The following DGKA variants were observed in gnomAD, a reference collection of about 807,000 sequenced individuals.
DGKA encodes the protein diacylglycerol kinase alpha.
Under a neutral mutation model 105.0 loss-of-function variants are expected in DGKA, and 35 were observed. The ratio of observed to expected loss-of-function variants is 0.33; its 90% CI spans 0.25 to 0.44. DGKA has a LOEUF of 0.44. Among genes scored for constraint, DGKA ranks in the 20% least tolerant of loss-of-function variants. The pLI, the probability that DGKA is intolerant of heterozygous loss-of-function variation, is 1.00. For synonymous variants in DGKA, 296 were observed against 332.0 expected, an observed-to-expected ratio of 0.89 and a Z score of 1.18; for missense variants, 665 against 915.0, an observed-to-expected ratio of 0.73 and a Z score of 3.53.
chr12:55,946,373 T>A (rs781678056), intron 17 of DGKA, among the ~76,000 whole-genome samples: 1 of 151,992 alleles, frequency 6.6e-6, no homozygotes, highest in Non-Finnish European at 1.5e-5. Flanking sequence ...TTGTTGTTTT[T>A]GGAGATGGAG....
At chr12:55,942,680 A>C in intron 17 of DGKA, 1 of 235,044 alleles carries the variant, frequency 4.3e-6, no homozygotes, top group Non-Finnish European at 8.5e-6. Context: ...ATTCACTATG[A>C]TTTCTTTCAG....
chr12:55,938,098 G>A (rs774902995), intron 5 of DGKA, 46 bp downstream of exon 5: 1 of 1,526,898 alleles, frequency 6.5e-7, no homozygotes, highest in Non-Finnish European at 9.1e-7. Context: ...TGAAGGGAGA[G>A]AGAGGTGTTT....
At chr12:55,927,810 C>T (rs1565720061), upstream of DGKA, 1 of 1,525,464 alleles carries the variant, frequency 6.6e-7, no homozygotes, top group Non-Finnish European at 8.8e-7. Context: ...TGGCCTGGCT[C>T]TGCCCCGCTG....
chr12:55,939,085 C>T, intron 7 of DGKA, 96 bp downstream of exon 7: 1 of 1,606,918 alleles, frequency 6.2e-7, no homozygotes, highest in South Asian at 1.1e-5. Context: ...ACCTGGTTCC[C>T]TTGGCTAGGA....
At position 55,952,738 on chromosome 12, in the gene DGKA, G is replaced by T; in HGVS notation, c.1748G>T (p.Cys583Phe). The change falls in exon 21 of 24, where the codon TGT (cysteine) becomes TTT (phenylalanine). Residue 583 changes from cysteine (C) to phenylalanine (F), a missense_variant. Transcript: ENST00000331886. The surrounding 1 kb of genome is among the most constrained non-coding windows in gnomAD (Gnocchi z 5.1). ...GACTGTGCCCCCTCCTCTCAGATCT[G>T]TGGGAAACCGCTGGATCTGAGCAAC... ...KLEESLTVEICGKPLDLSNLS... is the reference protein window; with the variant it reads ...KLEESLTVEIFGKPLDLSNLS... 2 of 1,614,008 alleles carry T rather than the reference G, an allele frequency of 1.2e-6. No individual in the cohort carries two copies. Among genetic ancestry groups the T allele is most frequent in the Non-Finnish European group, 1.7e-6 (2 of 1,180,018 alleles).
intron 17 of DGKA, among the ~76,000 whole-genome samples, chr12:55,949,204 T>C (rs1887656416): frequency 6.8e-6 from 1 of 146,842 alleles, no homozygotes; most frequent in South Asian, 2.1e-4. Flanking sequence ...AAACAGACAT[T>C]TTTTTTTTTT....
intron 1 of DGKA, among the ~76,000 whole-genome samples, chr12:55,933,086 A>G (rs1468313926): frequency 1.3e-5 from 2 of 152,210 alleles, no homozygotes; most frequent in Non-Finnish European, 2.9e-5. Flanking sequence ...TGGAAACAAT[A>G]TTTATCTCTT....
In DGKA at chr12:55,932,875, A is replaced by G. The variant is rs1175484897; in HGVS notation, c.-82+1531A>G. On this transcript the variant is annotated intron_variant, in intron 1 of 23. Transcript: ENST00000331886. The surrounding 1 kb of genome is among the most constrained non-coding windows in gnomAD (Gnocchi z 4.3). ...ACGGTCAGGGAGAGGAGGAGGATAC[A>G]GTCTATGATGTGATTAAGGAATTCA... 6.8e-6 allele frequency: 3 copies of G among 438,362 alleles called. No homozygotes were observed. The highest frequency in any genetic ancestry group is 1.3e-5 in the Non-Finnish European group (3 of 237,994). 27.2% of individuals were successfully genotyped at this position (438,362 alleles called of 1,614,324 possible).
intron 18 of DGKA, 77 bp from the exon 19 acceptor site, chr12:55,951,958 T>C (rs1189395044): frequency 5.7e-6 from 9 of 1,569,882 alleles, no homozygotes; most frequent in Non-Finnish European, 7.9e-6. Flanking sequence ...GGGAGCAGCA[T>C]GGGGACTTGG....
chr12:55,930,568 G>A (rs1001079776), upstream of DGKA: 46 of 152,014 alleles, frequency 3.0e-4, no homozygotes, highest in African/African-American at 1.1e-3. Context: ...GGTTTTCACC[G>A]TGTTAGCCAG....
chr12:55,946,501 C>T (rs575100695), intron 17 of DGKA, among the ~76,000 whole-genome samples: 78 of 152,164 alleles, frequency 5.1e-4, no homozygotes, highest in Non-Finnish European at 1.1e-3. Context: ...AGATTACAGG[C>T]GTGCGCCATC....
chr12:55,940,195 C>A lies in DGKA; in HGVS notation c.798+25C>A. On this transcript the variant is annotated intron_variant, in intron 10 of 23. Coordinates refer to ENST00000331886, the MANE Select transcript of DGKA (RefSeq NM_001345.5). The surrounding 1 kb of genome is among the most constrained non-coding windows in gnomAD (Gnocchi z 4.3). ...TGTGAGTGATCTCATGCCTCCACCCCCAACATCACCTACATCCTGGCCCTG... is the reference window on the plus strand; with the variant it reads ...TGTGAGTGATCTCATGCCTCCACCCACAACATCACCTACATCCTGGCCCTG... 1 of 1,613,792 alleles carries A rather than the reference C, an allele frequency of 6.2e-7. No individual in the cohort carries two copies. The highest frequency in any genetic ancestry group is 8.5e-7 in the Non-Finnish European group (1 of 1,179,638).
In DGKA at chr12:55,932,355, C is replaced by A. The variant is rs999468229; in HGVS notation, c.-82+1011C>A. ...CCCAGACCTTCCCCTCCATCCCTCC[C>A]GCTCATTCGGAGGGATGGTGAAGCC... On this transcript the variant is annotated intron_variant, in intron 1 of 23. Coordinates refer to ENST00000331886, the MANE Select transcript of DGKA (RefSeq NM_001345.5). The surrounding 1 kb of genome is among the most constrained non-coding windows in gnomAD (Gnocchi z 4.3). 1.2e-5 allele frequency: 7 copies of A among 588,976 alleles called. No individual in the cohort carries two copies. Among genetic ancestry groups the A allele is most frequent in the Non-Finnish European group, 1.8e-5 (6 of 328,888 alleles). The allele number at this position is 588,976 out of a possible 1,614,324, so 36.5% of individuals were successfully genotyped here.
At chr12:55,928,924 G>A (rs1215631723), upstream of DGKA, among the ~76,000 whole-genome samples, 1 of 152,008 alleles carries the variant, frequency 6.6e-6, no homozygotes, top group Non-Finnish European at 1.5e-5. Flanking sequence ...GGGAGGCCCA[G>A]GTGGGCAGAT....
chr12:55,932,826 C>T lies in DGKA; in HGVS notation c.-82+1482C>T, dbSNP rs1382874421. 5.7e-6 allele frequency: 3 copies of T among 526,374 alleles called. No homozygotes were observed. Among genetic ancestry groups the T allele is most frequent in the African/African-American group, 1.9e-5 (1 of 52,420 alleles). The allele number at this position is 526,374 out of a possible 1,614,324, so 32.6% of individuals were successfully genotyped here. ...TGAGGCTTCAAGCAAATGATTCCCT[C>T]TTGAGGGCTACCTACTAGCAGCAAC... is the stretch of plus-strand genomic sequence containing the variant. On this transcript the variant is annotated intron_variant, in intron 1 of 23. Transcript: ENST00000331886. This position sits in a 1 kb window ranked among gnomAD's most constrained non-coding sequence, Gnocchi z 4.3.
rs1883777284 is a variant in DGKA, at chr12:55,932,424, T to G, written c.-82+1080T>G. The stretch of plus-strand genomic sequence containing the variant: ...TCGGAGGGAAGTCCTCTTCGGAACC[T>G]CCACAGTGCCGCACGGGTGGAGAAG... On this transcript the variant is annotated intron_variant, in intron 1 of 23. Transcript: ENST00000331886. This position sits in a 1 kb window ranked among gnomAD's most constrained non-coding sequence, Gnocchi z 4.3. 2 of 635,848 alleles carry G rather than the reference T, an allele frequency of 3.1e-6. No individual in the cohort carries two copies. The highest frequency in any genetic ancestry group is 2.3e-5 in the Admixed American group (1 of 43,508). The allele number at this position is 635,848 out of a possible 1,614,324, so 39.4% of individuals were successfully genotyped here.
chr12:55,934,196 C>A lies in DGKA; in HGVS notation c.-81-2227C>A, dbSNP rs564899045. Among the ~76,000 whole-genome samples the A allele has an allele frequency of 2.6e-5, 4 of 152,332 alleles. No homozygotes were observed. In the East Asian group the frequency reaches 7.7e-4, roughly 29 times the overall value. Reference sequence around the variant, plus strand: ...GAGGCAGAGAAGAAGCCTGTCCTCTCTCCTTTGCATTGTAACTTGTTTGCT... The same window carrying A: ...GAGGCAGAGAAGAAGCCTGTCCTCTATCCTTTGCATTGTAACTTGTTTGCT... On this transcript the variant is annotated intron_variant, in intron 1 of 23. Coordinates refer to ENST00000331886, the MANE Select transcript of DGKA (RefSeq NM_001345.5).
upstream of DGKA, chr12:55,930,763 C>G (rs2136278470): frequency 1.3e-5 from 1 of 75,400 alleles, no homozygotes; most frequent in East Asian, 3.4e-4. Flanking sequence ...TGCCCGAAAT[C>G]TCCAGTTTGG....
rs753803878 is a variant in DGKA, at chr12:55,938,472, C to A, written c.350-39C>A. The A allele has an allele frequency of 1.9e-6, 3 of 1,613,244 alleles. No individual in the cohort carries two copies. The South Asian group carries it at 3.3e-5, about 18-fold the overall frequency. On this transcript the variant is annotated intron_variant, in intron 5 of 23. Transcript: ENST00000331886. ...TCTGGTATGAATTCTTTGGGTATCT[C>A]TCACAAACTGACCCTGGCCCCCCTA... is the stretch of plus-strand genomic sequence containing the variant.
Sources: allele counts gnomAD v4.1 joint callset (sites outside exome capture counted in the v4.1 genomes callset), GRCh38; gene constraint gnomAD v4.1.1; non-coding constraint Gnocchi (gnomAD v3.1); transcripts MANE v1.5; gene names NCBI Gene and HGNC (gene_info 2026-07-23, HGNC 2026-07-21).